Variants in GMDS observed in about 807,000 individuals in gnomAD.
The protein encoded by GMDS is GDP-mannose 4,6-dehydratase, also known as GDP-mannose 4,6 dehydratase.
In GMDS, 20 loss-of-function variants were observed where a neutral mutation model predicts 49.9. The observed-to-expected ratio is 0.40, with a 90% CI of 0.28 to 0.58. GMDS has a LOEUF of 0.58. Ranked by LOEUF, GMDS falls within the 20% of genes least tolerant of loss-of-function variation. The pLI, the probability that GMDS is intolerant of heterozygous loss-of-function variation, is 0.42. For synonymous variants in GMDS, 177 were observed against 178.6 expected (o/e 0.99, Z 0.07); for missense variants, 362 against 481.4 (o/e 0.75, Z 2.32).
chr6:2,162,790 G>A (rs190354615), intron 1 of GMDS, among the ~76,000 whole-genome samples: 387 of 151,814 alleles, frequency 2.5e-3, no homozygotes, highest in Non-Finnish European at 4.2e-3. Context: ...GTGGCCCTGG[G>A]TTGAGAGGAG....
At chr6:1,663,470 C>T (rs1011917596) in intron 9 of GMDS, among the ~76,000 whole-genome samples, 2 of 152,208 alleles carry the variant, frequency 1.3e-5, no homozygotes, top group Non-Finnish European at 2.9e-5. Flanking sequence ...ACCAAGCTCC[C>T]TTTTCCTTGC....
chr6:2,237,518 CTTTTTTTTTTTTT>C (rs397885506), intron 1 of GMDS, among the ~76,000 whole-genome samples: 8 of 125,872 alleles, frequency 6.4e-5, no homozygotes, highest in East Asian at 2.3e-4. Context: ...TTGGAAGTAC[CTTTTTTTTTTTTT>C]TTTTTTTTGA....
intron 4 of GMDS, among the ~76,000 whole-genome samples, chr6:2,057,108 G>A (rs539152551): frequency 2.0e-5 from 3 of 152,288 alleles, no homozygotes; most frequent in African/African-American, 7.2e-5. Flanking sequence ...CCACCTCGGT[G>A]ACAAACACTG....
rs1217086499 is a variant in GMDS, at chr6:2,191,786, C to T, written c.102+53535G>A. Among the ~76,000 whole-genome samples the T allele has an allele frequency of 6.6e-6, 1 of 152,186 alleles. No homozygotes were observed. The highest frequency in any genetic ancestry group is 2.4e-5 in the African/African-American group (1 of 41,446). On this transcript the variant is annotated intron_variant, in intron 1 of 10. Transcript: ENST00000380815. This position sits in a 1 kb window ranked among gnomAD's most constrained non-coding sequence, Gnocchi z 4.6. ...ACCCCATGGATGAGCAGCCTGGGTA[C>T]CACAGACCATGGCAGGAAGCAGACA...
chr6:1,665,872 A>T (rs1764219875), intron 9 of GMDS, among the ~76,000 whole-genome samples: 1 of 152,204 alleles, frequency 6.6e-6, no homozygotes, highest in Non-Finnish European at 1.5e-5. Flanking sequence ...CTCAAATAAG[A>T]ACTACTTTCT....
intron 7 of GMDS, among the ~76,000 whole-genome samples, chr6:1,824,000 G>T (rs151135318): frequency 6.6e-6 from 1 of 151,900 alleles, no homozygotes; most frequent in Non-Finnish European, 1.5e-5. Context: ...TTCTCATGAC[G>T]GGCCTCCTCC....
intron 4 of GMDS, among the ~76,000 whole-genome samples, chr6:2,105,841 A>G (rs561036210): frequency 2.9e-4 from 44 of 152,346 alleles, no homozygotes; most frequent in African/African-American, 9.4e-4. Context: ...TCCCATTTAG[A>G]ATAACTGCAT....
chr6:1,919,424 T>C, intron 7 of GMDS, among the ~76,000 whole-genome samples: 1 of 152,246 alleles, frequency 6.6e-6, no homozygotes, highest in Non-Finnish European at 1.5e-5. Flanking sequence ...CATATGAGGC[T>C]TAGGCCAACA....
chr6:1,768,470 G>C (rs1768446060), intron 7 of GMDS, among the ~76,000 whole-genome samples: 1 of 152,102 alleles, frequency 6.6e-6, no homozygotes, highest in African/African-American at 2.4e-5. Flanking sequence ...TTCAAACTTG[G>C]GTACATACCT....
At chr6:2,216,048 T>C (rs975382645) in intron 1 of GMDS, among the ~76,000 whole-genome samples, 6 of 152,178 alleles carry the variant, frequency 3.9e-5, no homozygotes, top group African/African-American at 1.2e-4. Flanking sequence ...AATTAGAGGA[T>C]GGGTATGTGG....
intron 4 of GMDS, among the ~76,000 whole-genome samples, chr6:2,087,456 C>CT (rs1409280554): frequency 6.6e-6 from 1 of 152,176 alleles, no homozygotes; most frequent in Non-Finnish European, 1.5e-5. Context: ...CATCAATAAT[C>CT]TTTGAGTATT....
intron 8 of GMDS, among the ~76,000 whole-genome samples, chr6:1,738,575 T>A (rs1316476843): frequency 6.6e-6 from 1 of 152,074 alleles, no homozygotes; most frequent in Non-Finnish European, 1.5e-5. Flanking sequence ...ATAGCAAAAG[T>A]GAGAATGTTC....
At chr6:1,695,923 CT>C (rs71753891) in intron 9 of GMDS, among the ~76,000 whole-genome samples, 252 of 105,074 alleles carry the variant, frequency 2.4e-3, no homozygotes, top group South Asian at 4.8e-3. Context: ...TTTTTTTTTT[CT>C]TTTTTTTTTT....
chr6:1,968,233 T>C (rs1764377698), intron 4 of GMDS, among the ~76,000 whole-genome samples: 2 of 152,218 alleles, frequency 1.3e-5, no homozygotes, highest in South Asian at 4.1e-4. Context: ...TGACTAGTCA[T>C]AATAATGACA....
At chr6:2,133,885 T>A (rs1211744098) in intron 1 of GMDS, among the ~76,000 whole-genome samples, 1 of 152,208 alleles carries the variant, frequency 6.6e-6, no homozygotes, top group Non-Finnish European at 1.5e-5. Context: ...GAGCTCCAAG[T>A]TAGCACAAAG....
At position 1,756,028 on chromosome 6, in the gene GMDS, A is replaced by C. The variant is rs147813684; in HGVS notation, c.772-13442T>G. Among the ~76,000 whole-genome samples the C allele has an allele frequency of 4.9e-3, 741 of 152,364 alleles. 6 individuals are homozygous for C. The highest frequency in any genetic ancestry group is 0.017 in the African/African-American group (687 of 41,582). ...TCTATCCATCTGACAAAGGGCTAATATGCAGAATCTATAAGGAACTTAAAC... is the reference window on the plus strand; with the variant it reads ...TCTATCCATCTGACAAAGGGCTAATCTGCAGAATCTATAAGGAACTTAAAC... On this transcript the variant is annotated intron_variant, in intron 7 of 10. Transcript: ENST00000380815.
At chr6:1,694,673 G>T (rs1765278471) in intron 9 of GMDS, among the ~76,000 whole-genome samples, 1 of 152,186 alleles carries the variant, frequency 6.6e-6, no homozygotes, top group Non-Finnish European at 1.5e-5. Context: ...CATAGCAAGA[G>T]GTGGAAATAG....
At chr6:1,624,609 C>T (rs947431038) in intron 9 of GMDS, 69 bp from the exon 10 acceptor site, 99 of 1,083,050 alleles carry the variant, frequency 9.1e-5, no homozygotes, top group Non-Finnish European at 9.3e-5. Context: ...TCCCGAGCCC[C>T]GGGAACTCCC....
intron 4 of GMDS, among the ~76,000 whole-genome samples, chr6:2,110,977 T>C (rs1419468157): frequency 5.3e-5 from 8 of 152,188 alleles, no homozygotes; most frequent in Non-Finnish European, 1.0e-4. Flanking sequence ...TGTTGTTTCT[T>C]TGAGAAAAAT....
Sources: allele counts gnomAD v4.1 joint callset (sites outside exome capture counted in the v4.1 genomes callset), GRCh38; gene constraint gnomAD v4.1.1; non-coding constraint Gnocchi (gnomAD v3.1); transcripts MANE v1.5; gene names NCBI Gene and HGNC (gene_info 2026-07-23, HGNC 2026-07-21).